HYCC2: variants seen among roughly 807,000 people sequenced by gnomAD.
The protein encoded by HYCC2 is hyccin 2.
At chr2:201,033,976 T>C in the HYCC2 span, among the ~76,000 whole-genome samples, 15 of 142,026 alleles carry the variant, frequency 1.1e-4, no homozygotes, top group African/African-American at 3.9e-4. Flanking sequence ...TCCTCTAGTT[T>C]AAAAAAAAAA....
chr2:201,066,240 A>G, the HYCC2 span, among the ~76,000 whole-genome samples: 1 of 152,038 alleles, frequency 6.6e-6, no homozygotes. Context: ...TGCCCAGCTA[A>G]CTTTTGTATT....
the HYCC2 span, chr2:200,988,221 T>TAACG: frequency 1.3e-6 from 2 of 1,531,334 alleles, no homozygotes; most frequent in Admixed American, 4.1e-5. Flanking sequence ...GTGATAAATT[T>TAACG]ACTTGACTCC....
At chr2:201,002,239 G>A in the HYCC2 span, among the ~76,000 whole-genome samples, 1 of 145,048 alleles carries the variant, frequency 6.9e-6, no homozygotes, top group Non-Finnish European at 1.5e-5. Context: ...TTTGAGACCA[G>A]CCTGGGCAAT....
chr2:201,062,357 AC>A, the HYCC2 span, among the ~76,000 whole-genome samples: 1 of 151,890 alleles, frequency 6.6e-6, no homozygotes, highest in East Asian at 2.0e-4. Flanking sequence ...TATTAAAAAT[AC>A]AAAAATGAGG....
At chr2:201,067,162 G>A in the HYCC2 span, 2 of 227,380 alleles carry the variant, frequency 8.8e-6, no homozygotes, top group Non-Finnish European at 1.8e-5. Flanking sequence ...TGATGCTTTG[G>A]AGGTTGTCAA....
chr2:201,019,300 A>G, the HYCC2 span, among the ~76,000 whole-genome samples: 1 of 152,186 alleles, frequency 6.6e-6, no homozygotes, highest in Non-Finnish European at 1.5e-5. Context: ...CTCAGTAGCA[A>G]CAGGTACACT....
chr2:201,029,163 T>C, the HYCC2 span, among the ~76,000 whole-genome samples: 3 of 152,226 alleles, frequency 2.0e-5, no homozygotes, highest in Non-Finnish European at 2.9e-5. Flanking sequence ...AACAGACACT[T>C]CTCAAAAGAA....
At chr2:201,058,573 G>T in the HYCC2 span, among the ~76,000 whole-genome samples, 1 of 152,206 alleles carries the variant, frequency 6.6e-6, no homozygotes, top group African/African-American at 2.4e-5. Context: ...GCATCGTGGC[G>T]CATGCCTGTA....
chr2:201,041,980 C>G, the HYCC2 span, among the ~76,000 whole-genome samples: 10 of 152,174 alleles, frequency 6.6e-5, no homozygotes, highest in Admixed American at 5.9e-4. Flanking sequence ...CTCCTCTCCC[C>G]TTTGCACAGT....
chr2:201,059,726 G>C, the HYCC2 span, among the ~76,000 whole-genome samples: 7,869 of 152,096 alleles, frequency 0.052, 469 homozygotes, highest in African/African-American at 0.14. Flanking sequence ...ATCTTATGTT[G>C]TCAAAGACCT....
At chr2:201,015,816 C>T in the HYCC2 span, among the ~76,000 whole-genome samples, 1 of 152,144 alleles carries the variant, frequency 6.6e-6, no homozygotes, top group African/African-American at 2.4e-5. Flanking sequence ...TGCCTCTCTG[C>T]TTATGTTCAA....
the HYCC2 span, among the ~76,000 whole-genome samples, chr2:201,016,190 C>T: frequency 6.6e-6 from 1 of 150,876 alleles, no homozygotes; most frequent in Admixed American, 6.6e-5. Flanking sequence ...AGTAGTTTTA[C>T]ATACTTTATA....
the HYCC2 span, among the ~76,000 whole-genome samples, chr2:201,048,208 T>G: frequency 6.6e-6 from 1 of 152,068 alleles, no homozygotes. Flanking sequence ...AGAAGGAAGT[T>G]GTAATTTCTA....
the HYCC2 span, chr2:200,973,720 C>T: frequency 6.6e-6 from 1 of 151,922 alleles, no homozygotes; most frequent in Non-Finnish European, 1.5e-5. Flanking sequence ...CAGGGAAATC[C>T]AGTTAAAAGC....
the HYCC2 span, chr2:200,974,294 T>C: frequency 6.6e-6 from 1 of 151,854 alleles, no homozygotes; most frequent in Non-Finnish European, 1.5e-5. Context: ...TTATTTAATA[T>C]CATTGTGACA....
At chr2:201,030,176 A>G in the HYCC2 span, among the ~76,000 whole-genome samples, 1 of 152,134 alleles carries the variant, frequency 6.6e-6, no homozygotes, top group Non-Finnish European at 1.5e-5. Flanking sequence ...AACTTTAAAC[A>G]ACTCCCTTAT....
the HYCC2 span, among the ~76,000 whole-genome samples, chr2:201,033,480 T>G: frequency 6.6e-6 from 1 of 151,838 alleles, no homozygotes; most frequent in Admixed American, 6.6e-5. Context: ...CTCGGCTCAC[T>G]GCAAGCTCCG....
chr2:200,981,529 A>C, the HYCC2 span: 1 of 1,614,238 alleles, frequency 6.2e-7, no homozygotes, highest in Admixed American at 1.7e-5. This position sits in a 1 kb window ranked among gnomAD's most constrained non-coding sequence, Gnocchi z 4.5. Context: ...TGTCCGGATT[A>C]GACTTAAGCT....
chr2:200,998,836 T>C, the HYCC2 span, among the ~76,000 whole-genome samples: 1 of 152,198 alleles, frequency 6.6e-6, no homozygotes, highest in Non-Finnish European at 1.5e-5. Flanking sequence ...CTTTGTACTA[T>C]TTTAGCAATG....
Sources: gnomAD v4.1 joint callset for allele counts (sites outside exome capture counted in the v4.1 genomes callset) on GRCh38, gnomAD v4.1.1 for gene constraint, Gnocchi (gnomAD v3.1) non-coding constraint, MANE v1.5 for transcripts, NCBI Gene and HGNC (gene_info 2026-07-23, HGNC 2026-07-21) for gene names.